The following CPA6 variants were observed in gnomAD, a reference collection of about 807,000 sequenced individuals.
CPA6 encodes carboxypeptidase A6.
In CPA6, 58 loss-of-function variants were observed where a neutral mutation model predicts 63.3. That is an observed-to-expected ratio of 0.92 (90% CI 0.74 to 1.14). The LOEUF (loss-of-function observed/expected upper bound fraction) is 1.14, where lower values mean the gene tolerates loss of function less well. CPA6 is among the 50% of genes most tolerant of loss of function. The pLI is 0.00. For missense variants in CPA6, 565 were observed against 526.6 expected (o/e 1.07, Z -0.71); for synonymous variants, 185 against 179.0 (o/e 1.03, Z -0.27).
intron 1 of CPA6, among the ~76,000 whole-genome samples, chr8:67,719,478 GTTAT>G (rs1817450171): frequency 6.6e-6 from 1 of 152,216 alleles, no homozygotes; most frequent in Non-Finnish European, 1.5e-5. Flanking sequence ...AGTGGGCCAA[GTTAT>G]GGAGGGCCTT....
At chr8:67,617,504 C>T (rs1412281375) in intron 2 of CPA6, among the ~76,000 whole-genome samples, 1 of 152,180 alleles carries the variant, frequency 6.6e-6, no homozygotes, top group African/African-American at 2.4e-5. Flanking sequence ...TAACTTCCTA[C>T]CCCAAACATA....
intron 2 of CPA6, among the ~76,000 whole-genome samples, chr8:67,553,572 T>C (rs1180217838): frequency 6.6e-6 from 1 of 152,212 alleles, no homozygotes. Context: ...GGGCTTATGA[T>C]ATCAATTCCT....
intron 8 of CPA6, among the ~76,000 whole-genome samples, chr8:67,455,242 G>A (rs16933321): frequency 0.021 from 3,236 of 152,160 alleles, 111 homozygotes; most frequent in African/African-American, 0.074. Context: ...ACTGCATCAC[G>A]AAGCAGCGCA....
rs149560135 is a variant in CPA6 at position 67,553,173 on chromosome 8, C to A, written c.193-35126G>T. 2.0e-5 allele frequency among the ~76,000 whole-genome samples: 3 copies of A among 152,200 alleles called. No homozygotes were observed. In the East Asian group the frequency reaches 5.8e-4, roughly 29 times the overall value. On this transcript the variant is annotated intron_variant, in intron 2 of 10. Coordinates refer to ENST00000297770, the MANE Select transcript of CPA6 (RefSeq NM_020361.5). ...AGTTATAAATTAAAGATTTTCACAC[C>A]TGGCTGACAGTGACTTAAGCCACTA...
chr8:67,705,268 G>A (rs757623998), intron 1 of CPA6, among the ~76,000 whole-genome samples: 1 of 152,190 alleles, frequency 6.6e-6, no homozygotes, highest in Non-Finnish European at 1.5e-5. Context: ...CCCCACCCCC[G>A]ATGGCCTTGA....
chr8:67,667,836 T>TA (rs1213858197), intron 1 of CPA6, among the ~76,000 whole-genome samples: 1 of 152,218 alleles, frequency 6.6e-6, no homozygotes, highest in Non-Finnish European at 1.5e-5. Context: ...TGCTCACCCT[T>TA]AGGAAGAGCT....
Position 67,483,830 on chromosome 8 carries a change from CT to C in CPA6, c.775del (p.Arg259GlyfsTer18), listed in dbSNP as rs763611926. Reference protein sequence around the residue: ...NDRFWRKTRSRNSRFRCRGVD... With the variant: ...NDRFWRKTRSXNSRFRCRGVD... The stretch of plus-strand genomic sequence containing the variant: ...TCCACGGCAGCGAAACCTTGAGTTC[CT>C]TGACCTTGTTTTTCTCCAAAATCGA... On this transcript the variant is annotated frameshift_variant, in exon 8 of 11. Coordinates refer to ENST00000297770, the MANE Select transcript of CPA6 (RefSeq NM_020361.5). 5.0e-6 allele frequency: 8 copies of C among 1,614,062 alleles called. No homozygotes were observed. The Admixed American group carries it at 1.0e-4, about 20-fold the overall frequency.
intron 1 of CPA6, among the ~76,000 whole-genome samples, chr8:67,681,702 A>C (rs1274604598): frequency 6.6e-6 from 1 of 152,156 alleles, no homozygotes; most frequent in Non-Finnish European, 1.5e-5. Context: ...CTTAGAGAAG[A>C]ATCAATTGGC....
At position 67,475,817 on chromosome 8, in the gene CPA6, C is replaced by CCTTT. The variant is rs1554666492; in HGVS notation, c.838+7947_838+7950dup. On this transcript the variant is annotated intron_variant, in intron 8 of 10. Transcript: ENST00000297770. ...TCTTTCTTTCTTTCTTTCTTTCTTT[C>CCTTT]CTTTCTTTTCTTTCTTTCTTTCTTT... 1.6e-3 allele frequency among the ~76,000 whole-genome samples: 51 copies of CCTTT among 31,566 alleles called. 3 individuals carry two copies. The highest frequency in any genetic ancestry group is 5.7e-3 in the African/African-American group (37 of 6,492). 20.7% of individuals were successfully genotyped at this position (31,566 alleles called of 152,430 possible).
At chr8:67,671,241 T>C (rs536636369) in intron 1 of CPA6, among the ~76,000 whole-genome samples, 1 of 152,302 alleles carries the variant, frequency 6.6e-6, no homozygotes, top group South Asian at 2.1e-4. Context: ...CATTAAATAT[T>C]TGCTGAAATT....
At chr8:67,428,350 A>G (rs1421609678) in intron 9 of CPA6, among the ~76,000 whole-genome samples, 2 of 152,190 alleles carry the variant, frequency 1.3e-5, no homozygotes, top group East Asian at 3.8e-4. Context: ...AGTGATCAAT[A>G]ATATTTTCAT....
intron 1 of CPA6, among the ~76,000 whole-genome samples, chr8:67,716,974 A>G (rs754625940): frequency 2.6e-5 from 4 of 152,178 alleles, no homozygotes; most frequent in Non-Finnish European, 5.9e-5. Flanking sequence ...AGGGAGGAGT[A>G]TGTTTGTTTC....
At chr8:67,542,919 C>A (rs191720375) in intron 2 of CPA6, among the ~76,000 whole-genome samples, 1 of 152,320 alleles carries the variant, frequency 6.6e-6, no homozygotes, top group East Asian at 1.9e-4. Flanking sequence ...CCCTCCATCA[C>A]CCCTTTCCAT....
At chr8:67,669,416 A>C (rs879192150) in intron 1 of CPA6, among the ~76,000 whole-genome samples, 2 of 152,220 alleles carry the variant, frequency 1.3e-5, no homozygotes, top group Non-Finnish European at 2.9e-5. Flanking sequence ...GATTTGATCA[A>C]ATTATACATG....
intron 1 of CPA6, among the ~76,000 whole-genome samples, chr8:67,702,239 G>A (rs1436044668): frequency 6.6e-6 from 1 of 152,034 alleles, no homozygotes. Flanking sequence ...AATTTCTCAA[G>A]TATTTATTCA....
At chr8:67,592,107 A>G (rs147743639) in intron 2 of CPA6, among the ~76,000 whole-genome samples, 283 of 152,218 alleles carry the variant, frequency 1.9e-3, no homozygotes, top group African/African-American at 6.0e-3. Context: ...GGGTTGTTGA[A>G]TTTTGTCAAA....
chr8:67,470,662 C>T (rs116714287), intron 8 of CPA6, among the ~76,000 whole-genome samples: 1,680 of 152,086 alleles, frequency 0.011, 37 homozygotes, highest in African/African-American at 0.036. Context: ...TATATAAAAA[C>T]GATAATAAAC....
At chr8:67,708,083 T>G (rs1282305591) in intron 1 of CPA6, among the ~76,000 whole-genome samples, 1 of 152,180 alleles carries the variant, frequency 6.6e-6, no homozygotes, top group African/African-American at 2.4e-5. Flanking sequence ...TGGGACCTCA[T>G]GAGGAGAGGA....
intron 8 of CPA6, among the ~76,000 whole-genome samples, chr8:67,475,866 T>TCTTTCTTTCTC (rs1811198663): frequency 2.0e-5 from 2 of 97,748 alleles, no homozygotes; most frequent in South Asian, 7.2e-4. Context: ...TTTCTTTCTT[T>TCTTTCTTTCTC]CTTTCTTTCT....
Sources: allele counts gnomAD v4.1 joint callset (sites outside exome capture counted in the v4.1 genomes callset), GRCh38; gene constraint gnomAD v4.1.1; transcripts MANE v1.5; gene names NCBI Gene and HGNC (gene_info 2026-07-23, HGNC 2026-07-21).